PRPSAP2: variants seen among roughly 807,000 people sequenced by gnomAD.
PRPSAP2 encodes the protein phosphoribosyl pyrophosphate synthase-associated protein 2.
Under a neutral mutation model 40.6 loss-of-function variants are expected in PRPSAP2, and 24 were observed. That is an observed-to-expected ratio of 0.59 (90% CI 0.43 to 0.83). The LOEUF (loss-of-function observed/expected upper bound fraction) is 0.83. Among genes scored for constraint, PRPSAP2 ranks in the 40% least tolerant of loss-of-function variants. The pLI, the probability that PRPSAP2 is intolerant of heterozygous loss-of-function variation, is 0.00. For synonymous variants in PRPSAP2, 149 were observed against 164.7 expected (o/e 0.90, Z 0.73); for missense variants, 292 against 465.6 (o/e 0.63, Z 3.43).
At chr17:18,892,314 A>C (rs572972875) in intron 8 of PRPSAP2, among the ~76,000 whole-genome samples, 6 of 151,870 alleles carry the variant, frequency 4.0e-5, no homozygotes, top group Non-Finnish European at 8.8e-5. Flanking sequence ...GTGTTGGCAT[A>C]AGTTTTCATT....
chr17:18,917,581 ATTATTTTTTTTTTTTTTTTTT>A (rs1269848445), intron 9 of PRPSAP2: 4 of 36,166 alleles, frequency 1.1e-4, no homozygotes, highest in African/African-American at 5.1e-4. Flanking sequence ...TATTATTATT[ATTATTTTTTTTTTTTTTTTTT>A]TTTTTTTTTT....
intron 1 of PRPSAP2, chr17:18,864,965 G>A (rs1299985570): frequency 6.6e-6 from 1 of 152,206 alleles, no homozygotes; most frequent in East Asian, 1.9e-4. Flanking sequence ...TCCTACCTCA[G>A]CCTCCCGAGT....
At chr17:18,863,020 C>G (rs1484762693) in intron 1 of PRPSAP2, among the ~76,000 whole-genome samples, 2 of 152,032 alleles carry the variant, frequency 1.3e-5, no homozygotes, top group Non-Finnish European at 2.9e-5. Context: ...CGGGGCTTCA[C>G]TGTGTTAGCC....
In PRPSAP2 at chr17:18,898,058, G is replaced by A. The variant is rs2040033569; in HGVS notation, c.584+8181G>A. 2.1e-5 allele frequency among the ~76,000 whole-genome samples: 3 copies of A among 145,808 alleles called. No homozygotes were observed. The South Asian group carries it at 6.6e-4, about 32-fold the overall frequency. On this transcript the variant is annotated intron_variant, in intron 8 of 11. Transcript: ENST00000268835. ...TCTGTCACCAGGTTGGAGTGCAGTGGTGCAATCTTAGCTCTTGGTAACCTC... is the reference window on the plus strand; with the variant it reads ...TCTGTCACCAGGTTGGAGTGCAGTGATGCAATCTTAGCTCTTGGTAACCTC...
intron 8 of PRPSAP2, among the ~76,000 whole-genome samples, chr17:18,892,606 T>C (rs2039616940): frequency 6.6e-6 from 1 of 151,208 alleles, no homozygotes; most frequent in Admixed American, 6.6e-5. Context: ...TTTTTTTTTT[T>C]TAATGAGACA....
At chr17:18,867,390 G>A (rs1159655304) in intron 4 of PRPSAP2, 56 bp downstream of exon 4, 6 of 1,556,956 alleles carry the variant, frequency 3.9e-6, no homozygotes. Context: ...TGGCATATTG[G>A]CTCCGTCCTT....
At chr17:18,917,581 ATTATTTTTTTTTTTTTTTTTTTTT>A (rs2041425393) in intron 9 of PRPSAP2, 1 of 36,168 alleles carries the variant, frequency 2.8e-5, no homozygotes, top group Middle Eastern at 0.018. Flanking sequence ...TATTATTATT[ATTATTTTTTTTTTTTTTTTTTTTT>A]TTTTTTTTTT....
intron 1 of PRPSAP2, among the ~76,000 whole-genome samples, chr17:18,862,451 T>TAAA (rs60291020): frequency 0.077 from 11,656 of 151,304 alleles, 537 homozygotes; most frequent in Middle Eastern, 0.14. Context: ...TTAGGGGGTG[T>TAAA]AAAAAAAATG....
chr17:18,856,719 G>C (rs1239071240), upstream of PRPSAP2, among the ~76,000 whole-genome samples: 2 of 152,218 alleles, frequency 1.3e-5, no homozygotes, highest in Admixed American at 6.5e-5. Context: ...GGTAAGTGAA[G>C]ACTGGTGCAA....
intron 8 of PRPSAP2, among the ~76,000 whole-genome samples, chr17:18,891,024 C>G (rs2039513996): frequency 6.6e-6 from 1 of 152,252 alleles, no homozygotes; most frequent in Admixed American, 6.5e-5. Flanking sequence ...AGAAGCCACT[C>G]CACTGGAGAG....
intron 8 of PRPSAP2, 148 bp from the exon 9 acceptor site, chr17:18,910,955 A>G: frequency 1.1e-6 from 1 of 930,530 alleles, no homozygotes; most frequent in Non-Finnish European, 1.5e-6. Context: ...CCTGGTTTCT[A>G]AGAGTCTAAG....
chr17:18,924,457 C>T (rs2041860404), intron 10 of PRPSAP2, among the ~76,000 whole-genome samples: 1 of 152,004 alleles, frequency 6.6e-6, no homozygotes, highest in South Asian at 2.1e-4. Context: ...TTGGAAAATG[C>T]TATTGTTTAT....
chr17:18,915,134 C>T (rs1440956820), intron 9 of PRPSAP2, among the ~76,000 whole-genome samples: 1 of 151,578 alleles, frequency 6.6e-6, no homozygotes, highest in African/African-American at 2.4e-5. Flanking sequence ...AATCGATCCT[C>T]CCACCTCAGC....
At chr17:18,909,240 CTTTTTTT>C (rs71155371) in intron 8 of PRPSAP2, among the ~76,000 whole-genome samples, 1 of 95,994 alleles carries the variant, frequency 1.0e-5, no homozygotes, top group African/African-American at 3.9e-5. Context: ...ACAGTGTGGC[CTTTTTTT>C]TTTTTTTTTT....
chr17:18,911,046 A>G lies in PRPSAP2; in HGVS notation c.585-57A>G. The G allele has an allele frequency of 2.0e-6, 3 of 1,529,396 alleles. No individual in the cohort carries two copies. Among genetic ancestry groups the G allele is most frequent in the Non-Finnish European group, 2.7e-6 (3 of 1,131,880 alleles). 94.7% of individuals were successfully genotyped at this position (1,529,396 alleles called of 1,614,324 possible). The stretch of plus-strand genomic sequence containing the variant: ...TCTCTTAATGTTTTGTCCCCTAGGC[A>G]TTAGCAGAACCAAGGGCTGCATGAG... On this transcript the variant is annotated intron_variant, in intron 8 of 11. Transcript: ENST00000268835. The surrounding 1 kb of genome is among the most constrained non-coding windows in gnomAD (Gnocchi z 4.5).
intron 8 of PRPSAP2, among the ~76,000 whole-genome samples, chr17:18,893,661 G>A (rs1344913804): frequency 2.0e-5 from 3 of 152,000 alleles, no homozygotes; most frequent in African/African-American, 7.2e-5. Flanking sequence ...TGGCTGAGGT[G>A]GGAGGATTGC....
chr17:18,915,280 C>T (rs1408952932), intron 9 of PRPSAP2, among the ~76,000 whole-genome samples: 1 of 152,150 alleles, frequency 6.6e-6, no homozygotes, highest in Admixed American at 6.5e-5. Flanking sequence ...TCCACCTCAG[C>T]CTCCCAAAGT....
rs745951274 is a variant in PRPSAP2, at chr17:18,928,744, T to C, written c.805-67T>C. ...TAAATGTAGGCAGACCCTTTTTTTT[T>C]CCTGGTTGTCTAACCTATTATTGTA... On this transcript the variant is annotated intron_variant, in intron 10 of 11. Transcript: ENST00000268835. 2.1e-5 allele frequency: 34 copies of C among 1,594,722 alleles called. No homozygotes were observed. The East Asian group carries it at 5.2e-4, about 24-fold the overall frequency.
chr17:18,872,550 CT>C, intron 4 of PRPSAP2, 32 bp from the exon 5 acceptor site: 1 of 1,506,686 alleles, frequency 6.6e-7, no homozygotes, highest in Non-Finnish European at 9.2e-7. Context: ...AACTATATGC[CT>C]TTCCCTCTCT....
Sources: gnomAD v4.1 joint callset for allele counts (sites outside exome capture counted in the v4.1 genomes callset) on GRCh38, gnomAD v4.1.1 for gene constraint, Gnocchi (gnomAD v3.1) non-coding constraint, MANE v1.5 for transcripts, NCBI Gene and HGNC (gene_info 2026-07-23, HGNC 2026-07-21) for gene names.